Variants in TXNDC16 observed in about 807,000 individuals in gnomAD.
TXNDC16 encodes the protein thioredoxin domain containing 16.
Under a neutral mutation model 85.6 loss-of-function variants are expected in TXNDC16, and 74 were observed. The ratio of observed to expected loss-of-function variants is 0.86; its 90% CI spans 0.72 to 1.05. TXNDC16 has a LOEUF of 1.05. Among genes scored for constraint, TXNDC16 ranks in the 50% least tolerant of loss-of-function variants. The pLI is 0.00. For synonymous variants in TXNDC16, 335 were observed against 326.5 expected (o/e 1.03, Z -0.28); for missense variants, 959 against 947.0 (o/e 1.01, Z -0.17).
intron 9 of TXNDC16, 63 bp from the exon 10 acceptor site, chr14:52,491,068 T>C: frequency 6.7e-7 from 1 of 1,492,784 alleles, no homozygotes; most frequent in Non-Finnish European, 8.9e-7. Context: ...GGATTTAAAT[T>C]CTCCTAATTC....
At chr14:52,491,345 CTTTT>C (rs11337974) in intron 9 of TXNDC16, among the ~76,000 whole-genome samples, 2 of 107,492 alleles carry the variant, frequency 1.9e-5, no homozygotes, top group Non-Finnish European at 3.7e-5. Context: ...CCATGCCTAG[CTTTT>C]TTTTTTTTTT....
chr14:52,502,655 G>A (rs1221449212), intron 9 of TXNDC16, among the ~76,000 whole-genome samples: 1 of 152,184 alleles, frequency 6.6e-6, no homozygotes, highest in African/African-American at 2.4e-5. Context: ...GAGCGAGGCA[G>A]AAGATGAATG....
At chr14:52,543,758 T>C (rs1420417013) in intron 2 of TXNDC16, 128 bp from the exon 3 acceptor site, 5 of 517,574 alleles carry the variant, frequency 9.7e-6, no homozygotes, top group Non-Finnish European at 1.7e-5. Context: ...TACTATATCA[T>C]AAAAATTTGA....
intron 9 of TXNDC16, among the ~76,000 whole-genome samples, chr14:52,499,305 G>C (rs560838364): frequency 7.4e-4 from 112 of 152,014 alleles, no homozygotes; most frequent in Non-Finnish European, 1.0e-3. Flanking sequence ...AACAACAAAA[G>C]CAAAAATAGA....
At position 52,502,589 on chromosome 14, in the gene TXNDC16, G is replaced by A. The variant is rs899997292; in HGVS notation, c.756+8651C>T. On this transcript the variant is annotated intron_variant, in intron 9 of 20. Transcript: ENST00000281741. ...TTTAATTTCAAAACTAATACTACAG[G>A]GGGGTGGAGCCAAGATGGCCAAATA... 5.9e-5 allele frequency among the ~76,000 whole-genome samples: 9 copies of A among 152,164 alleles called. No individual in the cohort carries two copies. In the East Asian group the frequency reaches 1.3e-3, roughly 23 times the overall value.
chr14:52,533,619 C>A (rs1274158710), intron 6 of TXNDC16, among the ~76,000 whole-genome samples: 2 of 152,174 alleles, frequency 1.3e-5, no homozygotes, highest in Non-Finnish European at 2.9e-5. Flanking sequence ...CATTTACTTA[C>A]TAGGAAAGTG....
At chr14:52,544,718 G>A (rs1157928449) in intron 1 of TXNDC16, among the ~76,000 whole-genome samples, 1 of 151,362 alleles carries the variant, frequency 6.6e-6, no homozygotes, top group Non-Finnish European at 1.5e-5. Flanking sequence ...AAAAAATGAA[G>A]TAATTACTCA....
chr14:52,489,440 A>G (rs2036350730), intron 11 of TXNDC16, among the ~76,000 whole-genome samples: 1 of 152,170 alleles, frequency 6.6e-6, no homozygotes, highest in Admixed American at 6.5e-5. Flanking sequence ...GAATAAAGCT[A>G]TGAGCTCTAA....
intron 18 of TXNDC16, among the ~76,000 whole-genome samples, chr14:52,450,072 A>AAGAAATAATAAAGATCAGGGC (rs2140110161): frequency 6.6e-6 from 1 of 152,188 alleles, no homozygotes; most frequent in East Asian, 1.9e-4. Flanking sequence ...AGCAGAAGAA[A>AAGAAATAATAAAGATCAGGGC]AGAAATAATA....
chr14:52,503,189 C>G (rs897869848), intron 9 of TXNDC16, among the ~76,000 whole-genome samples: 5 of 152,202 alleles, frequency 3.3e-5, no homozygotes, highest in Admixed American at 6.5e-5. Context: ...AAAACCTCTG[C>G]AGACTTAAAT....
At chr14:52,432,634 C>T (rs745414440) in intron 20 of TXNDC16, 47 bp from the exon 21 acceptor site, 19 of 1,482,438 alleles carry the variant, frequency 1.3e-5, no homozygotes, top group African/African-American at 2.8e-5. Flanking sequence ...AGCTATAAAT[C>T]GTCACATCAA....
intron 18 of TXNDC16, among the ~76,000 whole-genome samples, chr14:52,449,414 A>G (rs1566532985): frequency 1.3e-5 from 2 of 152,174 alleles, no homozygotes; most frequent in Non-Finnish European, 2.9e-5. Context: ...TTGTAAATAT[A>G]TATGCACCCA....
In TXNDC16 at chr14:52,482,894, C is replaced by G. The variant is rs767374230; in HGVS notation, c.1180G>C (p.Val394Leu). ...RKRKLPLELT[V>L]ELTEETFNAT... ...TTAAATGTTTCTTCTGTTAGTTCCA[C>G]TGTAAGTTCCAAAGGTAATTTTCTC... Residue 394 changes from valine to leucine, a missense_variant, in exon 13 of 21, where the codon GTG (valine) becomes CTG (leucine). Val to Leu is a conservative substitution (Grantham distance 32). Transcript: ENST00000281741. 572 of 1,612,108 alleles carry G rather than the reference C, an allele frequency of 3.5e-4. No individual in the cohort carries two copies. Among genetic ancestry groups the G allele is most frequent in the Non-Finnish European group, 4.6e-4 (541 of 1,179,402 alleles).
Position 52,519,155 on chromosome 14 carries a change from C to G in TXNDC16, c.514+17G>C. 6.2e-7 allele frequency: 1 copy of G among 1,601,186 alleles called. No homozygotes were observed. Among genetic ancestry groups the G allele is most frequent in the Admixed American group, 1.7e-5 (1 of 58,386 alleles). ...TACAGAGGCACAGCAAAGATTAAAG[C>G]AAAAGTTAAAGAATACCTGGTATTC... is the stretch of plus-strand genomic sequence containing the variant. On this transcript the variant is annotated intron_variant, in intron 7 of 20. Transcript: ENST00000281741.
At chr14:52,456,569 G>C (rs192223825) in intron 17 of TXNDC16, among the ~76,000 whole-genome samples, 56 of 152,280 alleles carry the variant, frequency 3.7e-4, no homozygotes, top group African/African-American at 1.3e-3. Context: ...ATGGGCCATA[G>C]AGAATGTGAT....
intron 9 of TXNDC16, among the ~76,000 whole-genome samples, chr14:52,493,193 C>CTATATATATATATATATATA (rs555994196): frequency 4.7e-4 from 59 of 126,148 alleles, no homozygotes; most frequent in African/African-American, 1.8e-3. Flanking sequence ...TGTCACTGTT[C>CTATATATATATATATATATA]TATATATATA....
At chr14:52,541,240 A>AG (rs1482862971) in intron 4 of TXNDC16, among the ~76,000 whole-genome samples, 4 of 151,836 alleles carry the variant, frequency 2.6e-5, no homozygotes, top group Non-Finnish European at 5.9e-5. Flanking sequence ...CTGTCTCAAA[A>AG]AAAAAAAAAT....
chr14:52,507,325 G>C (rs1409344725), intron 9 of TXNDC16, among the ~76,000 whole-genome samples: 3 of 151,964 alleles, frequency 2.0e-5, no homozygotes, highest in Non-Finnish European at 4.4e-5. Flanking sequence ...TTGCTTCAAA[G>C]AGAATAAAAT....
At chr14:52,510,124 A>T (rs1413742527) in intron 9 of TXNDC16, among the ~76,000 whole-genome samples, 1 of 152,238 alleles carries the variant, frequency 6.6e-6, no homozygotes, top group Non-Finnish European at 1.5e-5. Context: ...GAATATAAAT[A>T]TCATAGACCT....
Sources: allele counts gnomAD v4.1 joint callset (sites outside exome capture counted in the v4.1 genomes callset), GRCh38; gene constraint gnomAD v4.1.1; transcripts MANE v1.5; gene names NCBI Gene and HGNC (gene_info 2026-07-23, HGNC 2026-07-21).